FAT4: variants seen among roughly 807,000 people sequenced by gnomAD.
FAT4 encodes the protein protocadherin Fat 4.
FAT4 carries 84 observed loss-of-function variants against 303.9 expected under a neutral mutation model. The ratio of observed to expected loss-of-function variants is 0.28; its 90% CI spans 0.23 to 0.33. The LOEUF (loss-of-function observed/expected upper bound fraction) is 0.33, where lower values mean the gene tolerates loss of function less well. Among genes scored for constraint, FAT4 ranks in the 10% least tolerant of loss-of-function variants. The probability of loss-of-function intolerance (pLI) is 1.00; values close to 1 mark genes in which losing one functional copy is unlikely to be tolerated. For synonymous variants in FAT4, 2,307 were observed against 2,298.8 expected, an observed-to-expected ratio of 1.00 and a Z score of -0.10; for missense variants, 6,005 against 6,146.8, an observed-to-expected ratio of 0.98 and a Z score of 0.77.
chr4:125,351,964 C>T (rs143947163), intron 2 of FAT4, among the ~76,000 whole-genome samples: 22 of 151,698 alleles, frequency 1.5e-4, no homozygotes, highest in African/African-American at 3.9e-4. Flanking sequence ...AATTCCAGAA[C>T]GGTTGATGCT....
rs756899944 is a variant in FAT4 at position 125,319,294 on chromosome 4, C to T, written c.2883C>T (p.Ser961=). 1 of 1,614,108 alleles carries T rather than the reference C, an allele frequency of 6.2e-7. No individual in the cohort carries two copies. Among genetic ancestry groups the T allele is most frequent in the Non-Finnish European group, 8.5e-7 (1 of 1,180,016 alleles). ...GGCCCCTGGATGTTCATGCTGGCTC[C>T]TACCAAATAGAGATCTTGGCATCTG... is the stretch of plus-strand genomic sequence containing the variant. ...LLGPLDVHAG[S]YQIEILASDM... Residue 961 remains serine (S), a synonymous_variant, in exon 2 of 18, where the codon TCC becomes TCT. Transcript: ENST00000394329.
At chr4:125,432,524 A>G (rs892540096) in intron 7 of FAT4, among the ~76,000 whole-genome samples, 1 of 152,152 alleles carries the variant, frequency 6.6e-6, no homozygotes, top group Admixed American at 6.5e-5. Context: ...TTCTTATCGT[A>G]TCCTACATTC....
Position 125,451,424 on chromosome 4 carries a change from C to G in FAT4, c.10414C>G (p.Arg3472Gly). Residue 3472 changes from arginine (R) to glycine (G), a missense_variant, in exon 10 of 18, where the codon CGA becomes GGA. Arg to Gly is a moderately radical substitution (Grantham distance 125). Coordinates refer to ENST00000394329, the MANE Select transcript of FAT4 (RefSeq NM_001291303.3). ...GATCACCGTTACTGCAGAATTAGAT[C>G]GAGAAACCCTTCCCATCTATAATCT... ...GQITVTAELD[R>G]ETLPIYNLSV... 3.1e-6 allele frequency: 5 copies of G among 1,614,090 alleles called. No individual in the cohort carries two copies. Among genetic ancestry groups the G allele is most frequent in the Non-Finnish European group, 4.2e-6 (5 of 1,180,006 alleles).
At chr4:125,418,033 C>T (rs4833325) in intron 7 of FAT4, among the ~76,000 whole-genome samples, 22,864 of 152,098 alleles carry the variant, frequency 0.15, 1,880 homozygotes, top group South Asian at 0.27. Flanking sequence ...ACAGTTTAAT[C>T]TTATTTTCCA....
chr4:125,450,375 T>C lies in FAT4; in HGVS notation c.9365T>C (p.Met3122Thr), dbSNP rs371686578. ...TVSARDRDAA[M>T]NGLIKYSISS... ...TCTGCAAGAGATAGAGATGCAGCGA[T>C]GAATGGCTTGATTAAGTACAGCATT... The change falls in exon 10 of 18, where the codon ATG (methionine) becomes ACG (threonine). Residue 3122 changes from methionine to threonine, a missense_variant. Transcript: ENST00000394329. The C allele has an allele frequency of 9.9e-6, 16 of 1,613,980 alleles. No homozygotes were observed. Among genetic ancestry groups the C allele is most frequent in the African/African-American group, 1.3e-5 (1 of 74,936 alleles).
chr4:125,488,779 G>C (rs1727499003), intron 17 of FAT4, among the ~76,000 whole-genome samples: 2 of 152,290 alleles, frequency 1.3e-5, no homozygotes, highest in Non-Finnish European at 2.9e-5. Context: ...ATATATTTAA[G>C]AGTGGTCAGT....
intron 8 of FAT4, among the ~76,000 whole-genome samples, chr4:125,444,172 G>A (rs1725751001): frequency 6.6e-6 from 1 of 152,128 alleles, no homozygotes; most frequent in South Asian, 2.1e-4. Flanking sequence ...GTTTTGTGCT[G>A]CTATAGCTAC....
chr4:125,476,105 T>C lies in FAT4; in HGVS notation c.12214-66T>C, dbSNP rs1727019800. On this transcript the variant is annotated intron_variant, in intron 12 of 17. Coordinates refer to ENST00000394329, the MANE Select transcript of FAT4 (RefSeq NM_001291303.3). ...ACATAGAAGCAAGTCATGGGTAGTG[T>C]TGGCTGGAAAGGCTAATAGGGACGG... 5.6e-6 allele frequency: 5 copies of C among 893,282 alleles called. No individual in the cohort carries two copies. The South Asian group carries it at 8.6e-5, about 15-fold the overall frequency. 55.3% of individuals were successfully genotyped at this position (893,282 alleles called of 1,614,324 possible). A position where few individuals can be genotyped will look rare whatever the true frequency, so the allele number is the denominator to read the frequency against.
chr4:125,412,988 T>C (rs1473275240), intron 5 of FAT4, among the ~76,000 whole-genome samples: 1 of 151,778 alleles, frequency 6.6e-6, no homozygotes, highest in Non-Finnish European at 1.5e-5. Context: ...TAAACGTAAC[T>C]ATATATGTAG....
intron 7 of FAT4, among the ~76,000 whole-genome samples, chr4:125,426,947 T>A (rs1468441675): frequency 1.3e-5 from 2 of 152,040 alleles, no homozygotes; most frequent in African/African-American, 4.8e-5. Context: ...TTCTATCTTT[T>A]TGAAACAAAC....
intron 3 of FAT4, among the ~76,000 whole-genome samples, chr4:125,401,665 A>G (rs1287775971): frequency 6.6e-6 from 1 of 151,960 alleles, no homozygotes; most frequent in Non-Finnish European, 1.5e-5. Flanking sequence ...CTTAATTTAG[A>G]TATCATTTGA....
chr4:125,338,029 A>G (rs887748705), intron 2 of FAT4, among the ~76,000 whole-genome samples: 3 of 152,144 alleles, frequency 2.0e-5, no homozygotes, highest in African/African-American at 7.2e-5. Context: ...CTTCATTTGC[A>G]TAGATGCTGG....
chr4:125,452,200 C>T lies in FAT4; in HGVS notation c.11190C>T (p.Asn3730=). Residue 3730 remains asparagine, a synonymous_variant, in exon 10 of 18, where the codon AAC becomes AAT. Coordinates refer to ENST00000394329, the MANE Select transcript of FAT4 (RefSeq NM_001291303.3). ...CAACAGTAAAGGACTTCTTGACCAA[C>T]CACTATCTTCATTTTTTACGCATTG... ...GVPTVKDFLT[N]HYLHFLRIAS... is the part of the protein sequence containing the mutation. The T allele has an allele frequency of 6.2e-7, 1 of 1,614,222 alleles. No homozygotes were observed. The highest frequency in any genetic ancestry group is 8.5e-7 in the Non-Finnish European group (1 of 1,180,024).
At position 125,451,245 on chromosome 4, in the gene FAT4, G is replaced by A. The variant is rs758604504; in HGVS notation, c.10235G>A (p.Ser3412Asn). The change falls in exon 10 of 18, where the codon AGT becomes AAT. Residue 3412 changes from serine to asparagine, a missense_variant. Transcript: ENST00000394329. ...CCCATTTTTACTCTAAACATCTACAGTGTGCAGATCAGTGAAGGGGTCCCA... is the reference window on the plus strand; with the variant it reads ...CCCATTTTTACTCTAAACATCTACAATGTGCAGATCAGTGAAGGGGTCCCA... ...DPPIFTLNIY[S>N]VQISEGVPIG... 1 of 1,614,108 alleles carries A rather than the reference G, an allele frequency of 6.2e-7. No individual in the cohort carries two copies. The highest frequency in any genetic ancestry group is 8.5e-7 in the Non-Finnish European group (1 of 1,180,024).
intron 2 of FAT4, among the ~76,000 whole-genome samples, chr4:125,327,640 T>A (rs1731209884): frequency 6.6e-6 from 1 of 152,238 alleles, no homozygotes; most frequent in Non-Finnish European, 1.5e-5. Flanking sequence ...TTTATATATA[T>A]CTTCAGGATG....
intron 2 of FAT4, among the ~76,000 whole-genome samples, chr4:125,324,336 G>C (rs1731071214): frequency 1.1e-5 from 1 of 88,874 alleles, no homozygotes; most frequent in Admixed American, 1.2e-4. Flanking sequence ...ACCTCATGAT[G>C]GTCAGGGGCT....
chr4:125,325,816 T>A (rs1731129182), intron 2 of FAT4, among the ~76,000 whole-genome samples: 2 of 152,248 alleles, frequency 1.3e-5, no homozygotes, highest in South Asian at 4.1e-4. Context: ...CAATTACTGC[T>A]AAAGTACTTT....
intron 2 of FAT4, among the ~76,000 whole-genome samples, chr4:125,376,336 G>A (rs1422880044): frequency 1.3e-5 from 2 of 152,030 alleles, no homozygotes; most frequent in Admixed American, 1.3e-4. Flanking sequence ...ATAATTAGGG[G>A]TAAAATGGAC....
intron 7 of FAT4, among the ~76,000 whole-genome samples, chr4:125,418,214 G>T (rs966006246): frequency 6.6e-6 from 1 of 151,998 alleles, no homozygotes; most frequent in Non-Finnish European, 1.5e-5. Flanking sequence ...ATATCAAAGT[G>T]TTTCAAAAAA....
Sources: gnomAD v4.1 joint callset for allele counts (sites outside exome capture counted in the v4.1 genomes callset) on GRCh38, gnomAD v4.1.1 for gene constraint, MANE v1.5 for transcripts, NCBI Gene and HGNC (gene_info 2026-07-23, HGNC 2026-07-21) for gene names.